EIF3H: variants seen among roughly 807,000 people sequenced by gnomAD.
The protein encoded by EIF3H is eIF-3-gamma.
EIF3H carries 26 observed loss-of-function variants against 44.2 expected under a neutral mutation model. The ratio of observed to expected loss-of-function variants is 0.59; its 90% confidence interval spans 0.43 to 0.82. The LOEUF (loss-of-function observed/expected upper bound fraction) is 0.82, where lower values mean the gene tolerates loss of function less well. Among genes scored for constraint, EIF3H ranks in the 40% least tolerant of loss-of-function variants. The probability of loss-of-function intolerance (pLI) is 0.00; values close to 1 mark genes in which losing one functional copy is unlikely to be tolerated. For missense variants in EIF3H, 359 were observed against 432.8 expected (o/e 0.83, Z 1.51); for synonymous variants, 166 against 151.9 (o/e 1.09, Z -0.68).
intron 2 of EIF3H, among the ~76,000 whole-genome samples, chr8:116,677,981 A>C (rs1463195139): frequency 6.6e-6 from 1 of 152,172 alleles, no homozygotes; most frequent in Non-Finnish European, 1.5e-5. Flanking sequence ...TGCTTTCAAG[A>C]GTTTACAGCC....
chr8:116,648,769 G>T, intron 6 of EIF3H, 37 bp downstream of exon 6: 3 of 1,550,338 alleles, frequency 1.9e-6, no homozygotes, highest in South Asian at 1.3e-5. Context: ...ATGAAACTTA[G>T]AAATAGCTGT....
At chr8:116,697,539 G>A (rs1031802560) in intron 2 of EIF3H, among the ~76,000 whole-genome samples, 6 of 152,094 alleles carry the variant, frequency 3.9e-5, no homozygotes, top group African/African-American at 9.7e-5. Flanking sequence ...TACTCAAGCC[G>A]CTATCCCTAT....
intron 2 of EIF3H, 28 bp from the exon 3 acceptor site, chr8:116,659,008 A>AG: frequency 6.4e-7 from 1 of 1,563,924 alleles, no homozygotes; most frequent in Non-Finnish European, 8.6e-7. Flanking sequence ...GGAAATTAAA[A>AG]GAAAAAACTT....
intron 2 of EIF3H, among the ~76,000 whole-genome samples, chr8:116,699,357 A>G (rs201817502): frequency 5.9e-5 from 9 of 152,232 alleles, no homozygotes; most frequent in Non-Finnish European, 1.3e-4. Flanking sequence ...TTGACTCTAA[A>G]TTCAACAAAC....
rs1245286843 is a variant in EIF3H at position 116,642,828 on chromosome 8, A to G, written c.*2178T>C. On this transcript the variant is annotated 3_prime_UTR_variant, in exon 8 of 8. Coordinates refer to ENST00000521861, the MANE Select transcript of EIF3H (RefSeq NM_003756.3). ...TACTGTGGCGAGTTAATTTCCACTG[A>G]CATGTTTTCCTAAACAGTTTTTCCC... The G allele has an allele frequency of 6.6e-6, 1 of 152,258 alleles. No individual in the cohort carries two copies. The highest frequency in any genetic ancestry group is 1.5e-5 in the Non-Finnish European group (1 of 68,044). 9.4% of individuals were successfully genotyped at this position (152,258 alleles called of 1,614,324 possible). A position where few individuals can be genotyped will look rare whatever the true frequency, so the allele number is the denominator to read the frequency against.
intron 1 of EIF3H, among the ~76,000 whole-genome samples, chr8:116,744,500 C>T (rs1815199241): frequency 6.6e-6 from 1 of 152,170 alleles, no homozygotes. Context: ...CATATTTAAG[C>T]ATCCACTTCA....
At chr8:116,668,029 A>C (rs1250191789) in intron 2 of EIF3H, among the ~76,000 whole-genome samples, 1 of 152,164 alleles carries the variant, frequency 6.6e-6, no homozygotes, top group Non-Finnish European at 1.5e-5. Flanking sequence ...TATTAACCCC[A>C]TCCTCAAACT....
intron 7 of EIF3H, 48 bp from the exon 8 acceptor site, chr8:116,645,151 A>G (rs200481842): frequency 2.1e-6 from 3 of 1,446,276 alleles, no homozygotes; most frequent in Admixed American, 3.6e-5. Context: ...ACAAATTGTA[A>G]AATGATCCAG....
At chr8:116,707,741 A>G (rs1005324262) in intron 2 of EIF3H, among the ~76,000 whole-genome samples, 2 of 152,172 alleles carry the variant, frequency 1.3e-5, no homozygotes, top group African/African-American at 4.8e-5. Flanking sequence ...TATTGGTTTT[A>G]TATCAACACA....
intron 2 of EIF3H, among the ~76,000 whole-genome samples, chr8:116,688,452 C>G (rs1352390958): frequency 6.6e-6 from 1 of 151,970 alleles, no homozygotes; most frequent in Non-Finnish European, 1.5e-5. Context: ...GAAAAATGAA[C>G]TACAGAAAAT....
intron 2 of EIF3H, among the ~76,000 whole-genome samples, chr8:116,679,595 GC>G (rs1813929908): frequency 3.7e-5 from 1 of 26,740 alleles, no homozygotes; most frequent in South Asian, 2.1e-3. Context: ...GGGGGGGTCA[GC>G]CCCCCGCCCG....
At chr8:116,752,986 T>C (rs1389470447) in intron 1 of EIF3H, among the ~76,000 whole-genome samples, 1 of 152,176 alleles carries the variant, frequency 6.6e-6, no homozygotes, top group African/African-American at 2.4e-5. Flanking sequence ...CCATCTGCAA[T>C]AATCCATTAA....
At chr8:116,683,149 C>T (rs952570618) in intron 2 of EIF3H, among the ~76,000 whole-genome samples, 2 of 152,162 alleles carry the variant, frequency 1.3e-5, no homozygotes, top group Non-Finnish European at 2.9e-5. Context: ...GAATTTATCT[C>T]CTTAGTATAG....
intron 2 of EIF3H, among the ~76,000 whole-genome samples, chr8:116,660,062 T>C (rs1383069186): frequency 1.3e-5 from 2 of 152,012 alleles, no homozygotes; most frequent in African/African-American, 2.4e-5. Context: ...AATTTTTGTA[T>C]TGTTTTTTTG....
intron 1 of EIF3H, among the ~76,000 whole-genome samples, chr8:116,738,076 T>G (rs1336736092): frequency 6.6e-6 from 1 of 151,760 alleles, no homozygotes; most frequent in Non-Finnish European, 1.5e-5. Context: ...CGGACATACT[T>G]CTTCCTTTAT....
chr8:116,674,399 T>G (rs574665202), intron 2 of EIF3H, among the ~76,000 whole-genome samples: 15 of 152,112 alleles, frequency 9.9e-5, no homozygotes, highest in Non-Finnish European at 2.1e-4. Context: ...GGGGAGGCAC[T>G]GTGGTAGCAA....
intron 2 of EIF3H, among the ~76,000 whole-genome samples, chr8:116,660,935 AAT>A (rs1056343216): frequency 2.0e-5 from 3 of 152,248 alleles, no homozygotes; most frequent in African/African-American, 7.2e-5. Context: ...TTTTATACAC[AAT>A]ATGACAGCCG....
chr8:116,661,262 G>T (rs1243104867), intron 2 of EIF3H, among the ~76,000 whole-genome samples: 1 of 152,216 alleles, frequency 6.6e-6, no homozygotes, highest in African/African-American at 2.4e-5. Flanking sequence ...ATTTTAAAGG[G>T]AAAGGGAAGA....
At position 116,654,162 on chromosome 8, in the gene EIF3H, C is replaced by T. The variant is rs370344783; in HGVS notation, c.707+1694G>A. 9.9e-5 allele frequency among the ~76,000 whole-genome samples: 15 copies of T among 152,182 alleles called. No homozygotes were observed. In the East Asian group the frequency reaches 1.3e-3, roughly 14 times the overall value. On this transcript the variant is annotated intron_variant, in intron 5 of 7. Transcript: ENST00000521861. ...TCATTTTTTTTCCTCCTAACAGGAA[C>T]ACCAATTTACACTTTAAATAACTTC...
Sources: allele counts gnomAD v4.1 joint callset (sites outside exome capture counted in the v4.1 genomes callset), GRCh38; gene constraint gnomAD v4.1.1; transcripts MANE v1.5; gene names NCBI Gene and HGNC (gene_info 2026-07-23, HGNC 2026-07-21).